The following CEP44 variants were observed in gnomAD, a reference collection of about 807,000 sequenced individuals.
CEP44 encodes the protein centrosomal protein of 44 kDa.
A neutral mutation model predicts 46.7 loss-of-function variants in CEP44; 45 were observed. The observed-to-expected ratio is 0.96, with a 90% CI of 0.76 to 1.24. The LOEUF (loss-of-function observed/expected upper bound fraction) is 1.24, where lower values mean the gene tolerates loss of function less well. CEP44 is among the 50% of genes most tolerant of loss of function. CEP44 has a pLI of 0.00. For synonymous variants in CEP44, 142 were observed against 146.0 expected (o/e 0.97, Z 0.20); for missense variants, 475 against 459.7 (o/e 1.03, Z -0.30).
intron 6 of CEP44, among the ~76,000 whole-genome samples, chr4:174,305,290 C>T (rs1295581934): frequency 6.6e-6 from 1 of 152,084 alleles, no homozygotes; most frequent in Non-Finnish European, 1.5e-5. Context: ...CCCATTTCTA[C>T]TAAAAATACA....
chr4:174,302,962 T>G (rs890466158), intron 4 of CEP44, among the ~76,000 whole-genome samples: 3 of 151,912 alleles, frequency 2.0e-5, no homozygotes, highest in African/African-American at 7.3e-5. Context: ...TTTTTGTATT[T>G]TAGTAGAGAG....
In CEP44 at chr4:174,309,783, G is replaced by C; in HGVS notation, c.679-67G>C. ...TGTTGAGATAACGCTGTGGAAGTGA[G>C]AATACATTAATTTTAAAGAAATTTC... On this transcript the variant is annotated intron_variant, in intron 7 of 11. Transcript: ENST00000503780. This position sits in a 1 kb window ranked among gnomAD's most constrained non-coding sequence, Gnocchi z 5.3. 9.3e-7 allele frequency: 1 copy of C among 1,079,910 alleles called. No individual in the cohort carries two copies. The highest frequency in any genetic ancestry group is 2.6e-5 in the East Asian group (1 of 38,596). The allele number at this position is 1,079,910 out of a possible 1,614,324, so 66.9% of individuals were successfully genotyped here.
chr4:174,321,461 T>C (rs761682498), downstream of CEP44, among the ~76,000 whole-genome samples: 2 of 152,178 alleles, frequency 1.3e-5, no homozygotes, highest in Non-Finnish European at 2.9e-5. Context: ...AAATTAGGTG[T>C]AAGCTTTGTA....
chr4:174,299,912 C>T (rs1377375966), intron 3 of CEP44, among the ~76,000 whole-genome samples: 1 of 152,164 alleles, frequency 6.6e-6, no homozygotes, highest in African/African-American at 2.4e-5. Flanking sequence ...GACACTTACC[C>T]TTAACCTTTT....
chr4:174,300,355 T>C (rs942001977), intron 3 of CEP44, among the ~76,000 whole-genome samples: 5 of 152,136 alleles, frequency 3.3e-5, no homozygotes, highest in African/African-American at 1.2e-4. Context: ...AATCCATGTA[T>C]GTAAAAATCA....
rs1731338822 is a variant in CEP44, at chr4:174,331,919, C to A, written c.*324C>A. The stretch of plus-strand genomic sequence containing the variant: ...TGGAAGGTGAGAAAACACATGCTTT[C>A]TTAAAACAGAAGCTCTCTCCTTCAT... On this transcript the variant is annotated 3_prime_UTR_variant, in exon 9 of 9. Transcript: ENST00000426172. This position sits in a 1 kb window ranked among gnomAD's most constrained non-coding sequence, Gnocchi z 4.5. 2 of 231,158 alleles carry A rather than the reference C, an allele frequency of 8.7e-6. No individual in the cohort carries two copies. The highest frequency in any genetic ancestry group is 4.5e-5 in the African/African-American group (2 of 44,368). 14.3% of individuals were successfully genotyped at this position (231,158 alleles called of 1,614,324 possible).
intron 6 of CEP44, 35 bp from the exon 7 acceptor site, chr4:174,308,654 A>G: frequency 1.9e-6 from 3 of 1,562,528 alleles, no homozygotes; most frequent in South Asian, 2.4e-5. Context: ...GGAGGAAAAC[A>G]TTGAAGTGTT....
intron 8 of CEP44, among the ~76,000 whole-genome samples, chr4:174,330,364 C>G (rs1038507967): frequency 6.6e-5 from 10 of 152,012 alleles, no homozygotes; most frequent in Non-Finnish European, 1.0e-4. Context: ...TGGCGCGTGC[C>G]TGTAATCCCA....
chr4:174,327,013 ATTAAT>A (rs1215310479), intron 8 of CEP44, among the ~76,000 whole-genome samples: 3 of 151,694 alleles, frequency 2.0e-5, no homozygotes, highest in Non-Finnish European at 4.4e-5. Context: ...GTTTTTTAGA[ATTAAT>A]AGAATTTGGC....
At chr4:174,307,387 G>T (rs935044769) in intron 6 of CEP44, among the ~76,000 whole-genome samples, 8 of 152,196 alleles carry the variant, frequency 5.3e-5, no homozygotes, top group African/African-American at 1.9e-4. Flanking sequence ...AGTAAATGGT[G>T]CTTTGATAAC....
downstream of CEP44, among the ~76,000 whole-genome samples, chr4:174,324,961 T>G (rs956414497): frequency 1.3e-5 from 2 of 152,134 alleles, no homozygotes; most frequent in Admixed American, 1.3e-4. Flanking sequence ...ACTAATAAGC[T>G]GTTATCAGTT....
intron 1 of CEP44, among the ~76,000 whole-genome samples, chr4:174,294,724 G>GC (rs1738669272): frequency 1.4e-5 from 2 of 139,174 alleles, no homozygotes; most frequent in African/African-American, 5.5e-5. Flanking sequence ...GCGGGGGGCT[G>GC]ACCACCCCCC....
At chr4:174,315,968 A>G (rs1035083120) in intron 9 of CEP44, among the ~76,000 whole-genome samples, 198 bp from the exon 10 acceptor site, 21 of 152,020 alleles carry the variant, frequency 1.4e-4, no homozygotes, top group African/African-American at 5.1e-4. Flanking sequence ...GCCTTTTGTA[A>G]TTTTTATTGG....
chr4:174,318,499 A>G lies in CEP44; in HGVS notation c.*1116A>G. ...CAATGGAAAAATGAAATTTATTTTTAATATTACTACTATATGAATTATCTT... is the reference window on the plus strand; with the variant it reads ...CAATGGAAAAATGAAATTTATTTTTGATATTACTACTATATGAATTATCTT... On this transcript the variant is annotated 3_prime_UTR_variant, in exon 12 of 12. Transcript: ENST00000503780. 1 of 852,992 alleles carries G rather than the reference A, an allele frequency of 1.2e-6. No individual in the cohort carries two copies. The highest frequency in any genetic ancestry group is 5.7e-5 in the South Asian group (1 of 17,654). 52.8% of individuals were successfully genotyped at this position (852,992 alleles called of 1,614,324 possible). A position where few individuals can be genotyped will look rare whatever the true frequency, so the allele number is the denominator to read the frequency against.
At chr4:174,292,088 G>A (rs949189972) in intron 1 of CEP44, among the ~76,000 whole-genome samples, 3 of 151,952 alleles carry the variant, frequency 2.0e-5, no homozygotes, top group African/African-American at 4.8e-5. Context: ...CACCATGCCT[G>A]GCTATTTCCT....
chr4:174,294,190 G>A (rs1466715812), intron 1 of CEP44, among the ~76,000 whole-genome samples: 1 of 151,116 alleles, frequency 6.6e-6, no homozygotes, highest in Non-Finnish European at 1.5e-5. Context: ...GGACCCTGCG[G>A]CCTTCCGCAG....
At chr4:174,294,690 C>T (rs1738659526) in intron 1 of CEP44, among the ~76,000 whole-genome samples, 1 of 149,646 alleles carries the variant, frequency 6.7e-6, no homozygotes, top group South Asian at 2.1e-4. Context: ...CCCTACCTCC[C>T]TCCCGGAAGG....
Position 174,318,807 on chromosome 4 carries a change from G to GTT in CEP44, c.*1437_*1438dup, listed in dbSNP as rs1199810852. On this transcript the variant is annotated 3_prime_UTR_variant, in exon 12 of 12. Coordinates refer to ENST00000503780, the MANE Select transcript of CEP44 (RefSeq NM_001040157.3). ...AAGAAAACATTTTTAGAATTCCTTT[G>GTT]TTTTTTTTTTTTTTCTTTTTGAAAC... 7.5e-3 allele frequency: 4,116 copies of GTT among 552,416 alleles called. No homozygotes were observed. The highest frequency in any genetic ancestry group is 8.5e-3 in the Non-Finnish European group (3,762 of 443,970). 34.2% of individuals were successfully genotyped at this position (552,416 alleles called of 1,614,324 possible).
At position 174,325,496 on chromosome 4, in the gene CEP44, T is replaced by A. The variant is rs1029262651; in HGVS notation, c.1087-5986T>A. Among the ~76,000 whole-genome samples the A allele has an allele frequency of 2.6e-5, 4 of 151,910 alleles. No individual in the cohort carries two copies. In the South Asian group the frequency reaches 8.3e-4, roughly 32 times the overall value. On this transcript the variant is annotated intron_variant, in intron 8 of 8. Coordinates refer to the CEP44 transcript ENST00000426172. The surrounding 1 kb of genome is among the most constrained non-coding windows in gnomAD (Gnocchi z 4.4). The stretch of plus-strand genomic sequence containing the variant: ...TAGCCAGATCCTGTCTCTACAAAAA[T>A]TTTTTTAAATTAGCCAAGCATAGTG...
Sources: gnomAD v4.1 joint callset for allele counts (sites outside exome capture counted in the v4.1 genomes callset) on GRCh38, gnomAD v4.1.1 for gene constraint, Gnocchi (gnomAD v3.1) non-coding constraint, MANE v1.5 for transcripts, NCBI Gene and HGNC (gene_info 2026-07-23, HGNC 2026-07-21) for gene names.